The following MARCHF7 variants were observed in gnomAD, a reference collection of about 807,000 sequenced individuals.
The protein encoded by MARCHF7 is membrane associated ring-CH-type finger 7.
In MARCHF7, 20 loss-of-function variants were observed where a neutral mutation model predicts 76.5. That is an observed-to-expected ratio of 0.26 (90% CI 0.18 to 0.38). The LOEUF (loss-of-function observed/expected upper bound fraction) is 0.38. MARCHF7 is among the 10% of genes least tolerant of loss of function. The pLI, the probability that MARCHF7 is intolerant of heterozygous loss-of-function variation, is 1.00. For missense variants in MARCHF7, 797 were observed against 812.9 expected (o/e 0.98, Z 0.24); for synonymous variants, 295 against 293.0 (o/e 1.01, Z -0.07).
intron 3 of MARCHF7, among the ~76,000 whole-genome samples, chr2:159,717,412 ATAGGT>A (rs1331030417): frequency 2.6e-5 from 4 of 152,186 alleles, no homozygotes; most frequent in African/African-American, 7.2e-5. Flanking sequence ...GGGTGGTAAA[ATAGGT>A]TAGGGAGGTT....
chr2:159,723,646 C>T (rs540134291), intron 3 of MARCHF7, among the ~76,000 whole-genome samples: 10 of 152,290 alleles, frequency 6.6e-5, no homozygotes, highest in African/African-American at 2.4e-4. Context: ...CTTATTTCCA[C>T]TGCCCACTTC....
chr2:159,724,189 A>G (rs1311223034), intron 3 of MARCHF7, among the ~76,000 whole-genome samples: 2 of 152,198 alleles, frequency 1.3e-5, no homozygotes, highest in African/African-American at 4.8e-5. Context: ...TTTTCTCAGT[A>G]TTATAAGCAT....
At chr2:159,745,027 A>G (rs1313022134) in intron 5 of MARCHF7, among the ~76,000 whole-genome samples, 1 of 152,238 alleles carries the variant, frequency 6.6e-6, no homozygotes, top group Non-Finnish European at 1.5e-5. Flanking sequence ...TTCTGATGAA[A>G]TTGTGTTGTT....
At chr2:159,755,051 A>G (rs1353404566) in intron 8 of MARCHF7, among the ~76,000 whole-genome samples, 2 of 152,184 alleles carry the variant, frequency 1.3e-5, no homozygotes. Flanking sequence ...TTTGCCAGGC[A>G]AATATGATGA....
intron 4 of MARCHF7, among the ~76,000 whole-genome samples, chr2:159,736,878 A>G (rs1428494196): frequency 6.6e-6 from 1 of 152,198 alleles, no homozygotes; most frequent in Non-Finnish European, 1.5e-5. Flanking sequence ...CAGATACACT[A>G]TATAGTATTT....
At position 159,723,878 on chromosome 2, in the gene MARCHF7, T is replaced by C. The variant is rs546030767; in HGVS notation, c.-14-5131T>C. 4.6e-5 allele frequency among the ~76,000 whole-genome samples: 7 copies of C among 152,264 alleles called. No homozygotes were observed. In the South Asian group the frequency reaches 1.5e-3, roughly 32 times the overall value. On this transcript the variant is annotated intron_variant, in intron 3 of 11. Transcript: ENST00000409175. ...ACATGCCAATGAGATGTAGTTTCCATGTGATGCTTTTTCTTTTCTTACAAC... is the reference window on the plus strand; with the variant it reads ...ACATGCCAATGAGATGTAGTTTCCACGTGATGCTTTTTCTTTTCTTACAAC...
intron 3 of MARCHF7, among the ~76,000 whole-genome samples, chr2:159,727,887 G>A (rs959770454): frequency 6.6e-6 from 1 of 152,280 alleles, no homozygotes; most frequent in Non-Finnish European, 1.5e-5. Context: ...TTCGTCGTGG[G>A]TTTAGAAATG....
At chr2:159,727,120 A>G (rs1380876477) in intron 3 of MARCHF7, among the ~76,000 whole-genome samples, 1 of 152,216 alleles carries the variant, frequency 6.6e-6, no homozygotes, top group Non-Finnish European at 1.5e-5. Context: ...ATACAATAAT[A>G]TTCAGCCTTA....
At chr2:159,742,506 A>C (rs1284699769) in intron 4 of MARCHF7, among the ~76,000 whole-genome samples, 1 of 151,938 alleles carries the variant, frequency 6.6e-6, no homozygotes, top group Non-Finnish European at 1.5e-5. Flanking sequence ...AGGAAAAATG[A>C]TTACAGTTTT....
At chr2:159,724,533 G>C (rs1476725130) in intron 3 of MARCHF7, among the ~76,000 whole-genome samples, 2 of 152,076 alleles carry the variant, frequency 1.3e-5, no homozygotes, top group African/African-American at 4.8e-5. Flanking sequence ...TTTTGGTTCT[G>C]CTTTCCAGGA....
At chr2:159,723,438 A>G (rs764361121) in intron 3 of MARCHF7, among the ~76,000 whole-genome samples, 10 of 152,230 alleles carry the variant, frequency 6.6e-5, no homozygotes, top group African/African-American at 9.6e-5. Flanking sequence ...GTTCTGGGCA[A>G]GTGGGGAAAT....
At chr2:159,734,020 C>G (rs1461314581) in intron 4 of MARCHF7, 3 of 1,351,654 alleles carry the variant, frequency 2.2e-6, no homozygotes, top group Non-Finnish European at 2.9e-6. Flanking sequence ...GCTATCCCAT[C>G]TTTAAATTTT....
intron 8 of MARCHF7, among the ~76,000 whole-genome samples, chr2:159,756,708 AAAAAAACAGAT>A (rs1421419464): frequency 3.1e-4 from 43 of 140,690 alleles, no homozygotes; most frequent in African/African-American, 1.2e-3. Flanking sequence ...AAAAAAAAAA[AAAAAAACAGAT>A]GATTCAGATT....
chr2:159,739,363 A>T (rs538300222), intron 4 of MARCHF7, among the ~76,000 whole-genome samples: 11 of 152,346 alleles, frequency 7.2e-5, no homozygotes, highest in African/African-American at 2.4e-4. Flanking sequence ...TAGTTGGAAA[A>T]ATAGTAATTC....
At chr2:159,743,974 C>CTGTTTTTTT (rs1704491526) in intron 5 of MARCHF7, among the ~76,000 whole-genome samples, 1 of 60,600 alleles carries the variant, frequency 1.7e-5, no homozygotes, top group Non-Finnish European at 3.4e-5. Context: ...AGTAGGAGTT[C>CTGTTTTTTT]TTTTTTTTTT....
intron 4 of MARCHF7, among the ~76,000 whole-genome samples, chr2:159,739,431 G>A (rs1295632284): frequency 6.6e-6 from 1 of 152,198 alleles, no homozygotes; most frequent in African/African-American, 2.4e-5. Context: ...CAAGAGTATT[G>A]AAAACATACA....
At chr2:159,751,764 G>A (rs1705678043) in intron 7 of MARCHF7, among the ~76,000 whole-genome samples, 1 of 152,168 alleles carries the variant, frequency 6.6e-6, no homozygotes, top group Non-Finnish European at 1.5e-5. Context: ...ACAATGGCCT[G>A]TTAAATAGAG....
Position 159,744,133 on chromosome 2 carries a change from G to A in MARCHF7, c.346+880G>A, listed in dbSNP as rs867337261. Among the ~76,000 whole-genome samples the A allele has an allele frequency of 3.6e-4, 54 of 150,068 alleles. No individual in the cohort carries two copies. In the East Asian group the frequency reaches 4.1e-3, roughly 11 times the overall value. ...CTCCCAAGTAGCTGGGACTACAGGC[G>A]CCCGCCACTACGCCCGGCTAATTTT... is the stretch of plus-strand genomic sequence containing the variant. On this transcript the variant is annotated intron_variant, in intron 5 of 11. Transcript: ENST00000409175.
intron 1 of MARCHF7, among the ~76,000 whole-genome samples, chr2:159,713,704 T>TA (rs1700614931): frequency 1.3e-5 from 2 of 152,192 alleles, no homozygotes; most frequent in African/African-American, 4.8e-5. Flanking sequence ...AGTATAATAT[T>TA]TTTATTTAAC....
Sources: allele counts gnomAD v4.1 joint callset (sites outside exome capture counted in the v4.1 genomes callset), GRCh38; gene constraint gnomAD v4.1.1; transcripts MANE v1.5; gene names NCBI Gene and HGNC (gene_info 2026-07-23, HGNC 2026-07-21).